The following DDX31 variants were observed in gnomAD, a reference collection of about 807,000 sequenced individuals.
DDX31 encodes the protein DEAD-box helicase 31.
Under a neutral mutation model 91.3 loss-of-function variants are expected in DDX31, and 70 were observed. The ratio of observed to expected loss-of-function variants is 0.77; its 90% CI spans 0.63 to 0.94. The LOEUF (loss-of-function observed/expected upper bound fraction) is 0.94, where lower values mean the gene tolerates loss of function less well. Ranked by LOEUF, DDX31 falls within the 40% of genes least tolerant of loss-of-function variation. The pLI is 0.00. For synonymous variants in DDX31, 362 were observed against 350.6 expected (o/e 1.03, Z -0.36); for missense variants, 902 against 925.0 (o/e 0.98, Z 0.32).
At chr9:132,632,223 G>T in intron 14 of DDX31, 132 bp from the exon 15 acceptor site, 10 of 199,316 alleles carry the variant, frequency 5.0e-5, no homozygotes, top group East Asian at 1.7e-4. Context: ...GGGCATACAC[G>T]TATATGCCCA....
intron 13 of DDX31, among the ~76,000 whole-genome samples, chr9:132,642,691 T>C (rs1833575958): frequency 1.3e-5 from 2 of 151,938 alleles, no homozygotes; most frequent in Admixed American, 6.6e-5. Flanking sequence ...TGCTCTTATA[T>C]AGCAACAGAA....
chr9:132,636,523 A>C (rs1411560187), intron 14 of DDX31, among the ~76,000 whole-genome samples: 2 of 152,224 alleles, frequency 1.3e-5, no homozygotes, highest in African/African-American at 4.8e-5. Flanking sequence ...AAGACTCTAA[A>C]ATAACATGTG....
chr9:132,630,827 A>G (rs950655602), intron 15 of DDX31, among the ~76,000 whole-genome samples: 1 of 152,220 alleles, frequency 6.6e-6, no homozygotes, highest in South Asian at 2.1e-4. Flanking sequence ...TGAGGTGTCC[A>G]GAGGACACTG....
At chr9:132,659,635 C>T (rs1834806471) in intron 5 of DDX31, 75 bp downstream of exon 5, 2 of 1,466,860 alleles carry the variant, frequency 1.4e-6, no homozygotes, top group Non-Finnish European at 1.9e-6. Context: ...CCAACCCAGA[C>T]ACCGCATGGC....
chr9:132,618,352 CCT>C lies in DDX31; in HGVS notation c.1801_1802del (p.Arg601GlufsTer51). 1 of 1,609,784 alleles carries C rather than the reference CCT, an allele frequency of 6.2e-7. No homozygotes were observed. Among genetic ancestry groups the C allele is most frequent in the Non-Finnish European group, 8.5e-7 (1 of 1,178,268 alleles). On this transcript the variant is annotated frameshift_variant, in exon 18 of 20. Coordinates refer to ENST00000372159, the MANE Select transcript of DDX31 (RefSeq NM_022779.9). LOFTEE classifies it high-confidence loss of function. ...GACCTTTCTTTGCCCAGGAGACCCT[CCT>C]CTCACTGGAGTGCACGTAATCTTCA... is the stretch of plus-strand genomic sequence containing the variant. ...VFEDYVHSSE[R>X]RVSWAKKALQ...
intron 13 of DDX31, among the ~76,000 whole-genome samples, chr9:132,643,263 A>C (rs1564317866): frequency 6.6e-6 from 1 of 152,236 alleles, no homozygotes; most frequent in African/African-American, 2.4e-5. Context: ...GAATGCTTTC[A>C]GTATGAGCCT....
intron 13 of DDX31, 62 bp from the exon 14 acceptor site, chr9:132,642,125 T>C: frequency 1.4e-6 from 2 of 1,442,592 alleles, no homozygotes; most frequent in East Asian, 4.6e-5. Context: ...AAGGTAGGCT[T>C]ACATCTCCCT....
intron 14 of DDX31, among the ~76,000 whole-genome samples, chr9:132,641,159 C>T (rs963994482): frequency 1.5e-4 from 23 of 152,158 alleles, no homozygotes; most frequent in Admixed American, 4.6e-4. Context: ...GTCTCCATTG[C>T]CTTTAATACT....
chr9:132,650,183 A>G, intron 9 of DDX31, 51 bp downstream of exon 9: 3 of 1,564,906 alleles, frequency 1.9e-6, no homozygotes, highest in South Asian at 1.1e-5. Flanking sequence ...ACTGAATAGG[A>G]AGGCAGGACA....
intron 1 of DDX31, among the ~76,000 whole-genome samples, chr9:132,664,508 A>G (rs2130858290): frequency 6.6e-6 from 1 of 152,242 alleles, no homozygotes; most frequent in Non-Finnish European, 1.5e-5. Context: ...CAGGAGTTCG[A>G]GACCAGCCTG....
At chr9:132,650,186 G>T in intron 9 of DDX31, 48 bp downstream of exon 9, 1 of 1,569,786 alleles carries the variant, frequency 6.4e-7, no homozygotes, top group Non-Finnish European at 8.8e-7. Context: ...GAATAGGAAG[G>T]CAGGACACAT....
chr9:132,632,297 C>CACACACACACACACACACACACACAT (rs1564306019), intron 14 of DDX31, among the ~76,000 whole-genome samples: 1 of 132,326 alleles, frequency 7.6e-6, no homozygotes, highest in Non-Finnish European at 1.6e-5. Context: ...CACACACACA[C>CACACACACACACACACACACACACAT]AGTCCTGCAT....
chr9:132,598,079 T>C (rs181519126), intron 19 of DDX31, among the ~76,000 whole-genome samples: 1 of 152,130 alleles, frequency 6.6e-6, no homozygotes, highest in African/African-American at 2.4e-5. Context: ...GAGGGTGGCA[T>C]TTTCTAGCCC....
At chr9:132,666,168 T>C (rs879049952) in intron 1 of DDX31, among the ~76,000 whole-genome samples, 6 of 152,302 alleles carry the variant, frequency 3.9e-5, no homozygotes, top group Admixed American at 2.6e-4. Context: ...TTATTAAAAA[T>C]GTCAGCTTTT....
intron 14 of DDX31, among the ~76,000 whole-genome samples, chr9:132,641,352 A>G (rs1833494099): frequency 6.6e-6 from 1 of 152,254 alleles, no homozygotes; most frequent in Non-Finnish European, 1.5e-5. Context: ...ATTAAGTTAC[A>G]TCATCCAAGA....
chr9:132,669,796 G>A, intron 1 of DDX31, 64 bp downstream of exon 1: 1 of 1,521,406 alleles, frequency 6.6e-7, no homozygotes, highest in Non-Finnish European at 8.8e-7. Context: ...CACGGCTGCA[G>A]CTCGCGGCGC....
rs770916834 is a variant in DDX31, at chr9:132,646,077, T to C, written c.1204-6A>G. ...ATCTTCTGGTCTTCCTCAAACTACATCGATACAAAGGGAGGAAAAACCGAC... is the reference window on the plus strand; with the variant it reads ...ATCTTCTGGTCTTCCTCAAACTACACCGATACAAAGGGAGGAAAAACCGAC... On this transcript the variant is annotated splice_region_variant and splice_polypyrimidine_tract_variant and intron_variant, in intron 12 of 19. Coordinates refer to ENST00000372159, the MANE Select transcript of DDX31 (RefSeq NM_022779.9). The C allele has an allele frequency of 4.3e-6, 7 of 1,612,110 alleles. No individual in the cohort carries two copies. The highest frequency in any genetic ancestry group is 1.7e-5 in the Admixed American group (1 of 59,806).
chr9:132,636,473 A>T (rs974827460), intron 14 of DDX31, among the ~76,000 whole-genome samples: 2 of 152,324 alleles, frequency 1.3e-5, no homozygotes, highest in South Asian at 2.1e-4. Flanking sequence ...TTTAATGCTC[A>T]TTGGCTTAGT....
At position 132,595,198 on chromosome 9, in the gene DDX31, G is replaced by A; in HGVS notation, c.1995-86C>T. The stretch of plus-strand genomic sequence containing the variant: ...AAAGAGGCTGATAGCAGCTGGTTCT[G>A]AGACTGTGAAGCTGACATTTTTGTA... On this transcript the variant is annotated intron_variant, in intron 19 of 19. Transcript: ENST00000372159. The surrounding 1 kb of genome is among the most constrained non-coding windows in gnomAD (Gnocchi z 4.6). 1 of 1,504,854 alleles carries A rather than the reference G, an allele frequency of 6.6e-7. No homozygotes were observed. The highest frequency in any genetic ancestry group is 8.9e-7 in the Non-Finnish European group (1 of 1,120,280). The allele number at this position is 1,504,854 out of a possible 1,614,324, so 93.2% of individuals were successfully genotyped here. A position where few individuals can be genotyped will look rare whatever the true frequency, so the allele number is the denominator to read the frequency against.
Sources: allele counts gnomAD v4.1 joint callset (sites outside exome capture counted in the v4.1 genomes callset), GRCh38; gene constraint gnomAD v4.1.1; non-coding constraint Gnocchi (gnomAD v3.1); transcripts MANE v1.5; gene names NCBI Gene and HGNC (gene_info 2026-07-23, HGNC 2026-07-21).